The following ATP7A variants were observed in gnomAD, a reference collection of about 807,000 sequenced individuals.
ATP7A encodes the protein ATPase copper transporting alpha, also known as copper-transporting ATPase 1.
In ATP7A, 7 loss-of-function variants were observed where a neutral mutation model predicts 83.5. That is an observed-to-expected ratio of 0.08 (90% confidence interval 0.05 to 0.16). The LOEUF is 0.16. Ranked by LOEUF, ATP7A falls within the 10% of genes least tolerant of loss-of-function variation. The pLI is 1.00. For synonymous variants in ATP7A, 354 were observed against 395.2 expected (o/e 0.90, Z 1.24); for missense variants, 940 against 1,120.8 (o/e 0.84, Z 2.30).
chrX:77,993,903 ATAGC>A (rs1382529978), intron 4 of ATP7A, among the ~76,000 whole-genome samples: 8 of 111,313 alleles, frequency 7.2e-5, no homozygotes, highest in African/African-American at 1.6e-4. Context: ...ATAATTTAAA[ATAGC>A]TAGCATTTTT....
At chrX:77,959,107 T>C (rs1403800846) in intron 1 of ATP7A, among the ~76,000 whole-genome samples, 2 of 111,017 alleles carry the variant, frequency 1.8e-5, no homozygotes, top group African/African-American at 6.6e-5. Flanking sequence ...TAGCTTTTAG[T>C]GTAGAGATCT....
chrX:78,007,656 C>G (rs1334089636), intron 6 of ATP7A, among the ~76,000 whole-genome samples: 2 of 112,244 alleles, frequency 1.8e-5, no homozygotes, highest in African/African-American at 3.2e-5. Flanking sequence ...GATTGTTTGT[C>G]TTTTTATTAC....
intron 1 of ATP7A, among the ~76,000 whole-genome samples, chrX:77,960,405 GCAAAACAAAA>G (rs1231642278): frequency 6.3e-5 from 7 of 111,740 alleles, no homozygotes; most frequent in African/African-American, 2.3e-4. Context: ...AAAAGCAACA[GCAAAACAAAA>G]CAAAACAAAA....
chrX:77,982,884 G>T (rs966288909), intron 2 of ATP7A, among the ~76,000 whole-genome samples: 1 of 111,772 alleles, frequency 8.9e-6, no homozygotes. Flanking sequence ...TAAAGTGGGT[G>T]GCTTATAAAC....
chrX:78,047,841 G>C lies in ATP7A; in HGVS notation c.*1271G>C, dbSNP rs1290223426. The C allele has an allele frequency of 8.9e-6, 1 of 111,839 alleles. No individual in the cohort carries two copies. The highest frequency in any genetic ancestry group is 3.3e-5 in the African/African-American group (1 of 30,757). The allele number at this position is 111,839 out of a possible 1,213,427, so 9.2% of individuals were successfully genotyped here. A position where few individuals can be genotyped will look rare whatever the true frequency, so the allele number is the denominator to read the frequency against. ...CCGCCTTGGCCTCCCAAAGTGCTGGGATTACAGGTGTGAGCCTCCATGCCC... is the reference window on the plus strand; with the variant it reads ...CCGCCTTGGCCTCCCAAAGTGCTGGCATTACAGGTGTGAGCCTCCATGCCC... On this transcript the variant is annotated 3_prime_UTR_variant, in exon 23 of 23. Transcript: ENST00000341514.
At chrX:77,969,445 C>T (rs1557229307) in intron 1 of ATP7A, 7 of 1,208,546 alleles carry the variant, frequency 5.8e-6, no homozygotes, top group Admixed American at 4.4e-5. Flanking sequence ...CCAGAGGGTC[C>T]GGATCACTCT....
intron 1 of ATP7A, among the ~76,000 whole-genome samples, chrX:77,916,725 T>C (rs1557222582): frequency 8.9e-6 from 1 of 111,988 alleles, no homozygotes; most frequent in Non-Finnish European, 1.9e-5. Context: ...TGTGTGTAAA[T>C]TGAATTTTTA....
chrX:77,983,755 C>A (rs899510890), intron 2 of ATP7A, among the ~76,000 whole-genome samples: 2 of 110,013 alleles, frequency 1.8e-5, no homozygotes, highest in Non-Finnish European at 3.8e-5. Flanking sequence ...GGCTGGAGTG[C>A]AGTGGCACGA....
intron 2 of ATP7A, among the ~76,000 whole-genome samples, chrX:77,974,217 C>T (rs1461982078): frequency 9.1e-6 from 1 of 109,350 alleles, no homozygotes; most frequent in East Asian, 2.8e-4. Context: ...AATGTTGGCT[C>T]ACTGCAACGT....
intron 12 of ATP7A, among the ~76,000 whole-genome samples, chrX:78,017,765 C>CTTTTTTTTTTTTTTTTTT (rs1176316040): frequency 6.5e-5 from 3 of 45,845 alleles, no homozygotes; most frequent in African/African-American, 1.9e-4. Context: ...TTTCTTGTTT[C>CTTTTTTTTTTTTTTTTTT]TTTTTTTTTT....
intron 14 of ATP7A, 88 bp downstream of exon 14, chrX:78,021,167 T>C: frequency 1.0e-6 from 1 of 977,167 alleles, no homozygotes; most frequent in Non-Finnish European, 1.4e-6. Flanking sequence ...ACTTTAATAA[T>C]TACCAGGATC....
chrX:77,981,468 T>C (rs946725279), intron 2 of ATP7A, among the ~76,000 whole-genome samples: 1 of 111,999 alleles, frequency 8.9e-6, no homozygotes, highest in Admixed American at 9.5e-5. Context: ...TAAATTTTTA[T>C]AGCGAACAAT....
rs1195537522 is a variant in ATP7A at position 78,031,683 on chromosome X, G to A, written c.3294+101G>A. 1.8e-5 allele frequency: 16 copies of A among 899,308 alleles called. No individual in the cohort carries two copies. In the Admixed American group the frequency reaches 3.2e-4, roughly 18 times the overall value. 74.1% of individuals were successfully genotyped at this position (899,308 alleles called of 1,213,427 possible). On this transcript the variant is annotated intron_variant, in intron 16 of 22. Transcript: ENST00000341514. Reference sequence around the variant, plus strand: ...TTGACTGTGATTTGCATATATAGTTGGTATGAGGCTAAAAAGACTTGTATT... The same window carrying A: ...TTGACTGTGATTTGCATATATAGTTAGTATGAGGCTAAAAAGACTTGTATT...
At chrX:77,999,154 G>A (rs891299229) in intron 5 of ATP7A, among the ~76,000 whole-genome samples, 20 of 108,982 alleles carry the variant, frequency 1.8e-4, no homozygotes, top group Admixed American at 1.7e-3. Context: ...GCACCACCAC[G>A]CCCAGCTAAT....
chrX:77,911,631 C>T (rs1164224538), intron 1 of ATP7A, among the ~76,000 whole-genome samples: 1 of 107,360 alleles, frequency 9.3e-6, no homozygotes, highest in Non-Finnish European at 1.9e-5. Flanking sequence ...AGACAGAGTT[C>T]CTGGCCTCAA....
intron 2 of ATP7A, among the ~76,000 whole-genome samples, chrX:77,973,844 C>CT (rs1348955785): frequency 8.9e-6 from 1 of 111,841 alleles, no homozygotes; most frequent in Non-Finnish European, 1.9e-5. Flanking sequence ...AATCCATGCA[C>CT]ATAGTATATG....
chrX:78,030,421 C>CA (rs36079776), intron 15 of ATP7A, among the ~76,000 whole-genome samples: 7,519 of 84,207 alleles, frequency 0.089, 330 homozygotes, highest in Middle Eastern at 0.15. Context: ...GACTCCATCT[C>CA]AAAAAAAAAA....
At chrX:78,016,163 T>C (rs782727892) in intron 12 of ATP7A, among the ~76,000 whole-genome samples, 3 of 111,279 alleles carry the variant, frequency 2.7e-5, no homozygotes, top group Non-Finnish European at 5.7e-5. Flanking sequence ...CTCAGGAAAC[T>C]TGTAATCATG....
intron 1 of ATP7A, among the ~76,000 whole-genome samples, chrX:77,931,555 G>A (rs1248268962): frequency 1.8e-5 from 2 of 111,881 alleles, no homozygotes; most frequent in African/African-American, 6.5e-5. Context: ...GGTGGTGGCC[G>A]GGCAGAGGGG....
Sources: allele counts gnomAD v4.1 joint callset (sites outside exome capture counted in the v4.1 genomes callset), GRCh38; gene constraint gnomAD v4.1.1; transcripts MANE v1.5; gene names NCBI Gene and HGNC (gene_info 2026-07-23, HGNC 2026-07-21).